The following CSMD1 variants were observed in gnomAD, a reference collection of about 807,000 sequenced individuals.
The protein encoded by CSMD1 is CUB and Sushi multiple domains 1.
In CSMD1, 213 loss-of-function variants were observed where a neutral mutation model predicts 417.5. The ratio of observed to expected loss-of-function variants is 0.51; its 90% CI spans 0.46 to 0.57. The LOEUF (loss-of-function observed/expected upper bound fraction) is 0.57, where lower values mean the gene tolerates loss of function less well. Among genes scored for constraint, CSMD1 ranks in the 20% least tolerant of loss-of-function variants. The pLI is 0.00. For missense variants in CSMD1, 6,923 were observed against 4,529.7 expected, an observed-to-expected ratio of 1.53 and a Z score of -15.17; for synonymous variants, 2,862 against 1,736.8, an observed-to-expected ratio of 1.65 and a Z score of -16.11.
chr8:3,977,315 C>A (rs1287727269), intron 5 of CSMD1, among the ~76,000 whole-genome samples: 3 of 152,126 alleles, frequency 2.0e-5, no homozygotes, highest in Non-Finnish European at 2.9e-5. Context: ...CATTTCATTC[C>A]TTTCCCAATG....
intron 65 of CSMD1, among the ~76,000 whole-genome samples, chr8:2,952,550 A>C (rs920920716): frequency 6.6e-6 from 1 of 152,184 alleles, no homozygotes; most frequent in African/African-American, 2.4e-5. Context: ...TATCTAACAC[A>C]TTTGCTTATA....
At chr8:4,693,976 C>G (rs1472900197) in intron 1 of CSMD1, among the ~76,000 whole-genome samples, 1 of 152,148 alleles carries the variant, frequency 6.6e-6, no homozygotes, top group Non-Finnish European at 1.5e-5. Context: ...TTCAGGGAGA[C>G]TCTGTGAAGG....
intron 26 of CSMD1, among the ~76,000 whole-genome samples, chr8:3,263,859 G>A (rs1462543926): frequency 6.6e-6 from 1 of 152,156 alleles, no homozygotes; most frequent in Admixed American, 6.5e-5. Context: ...AACCAAGTAT[G>A]TCTCTTCTTT....
chr8:3,084,997 G>C (rs1002874894), intron 49 of CSMD1, among the ~76,000 whole-genome samples: 5 of 151,848 alleles, frequency 3.3e-5, no homozygotes, highest in Admixed American at 3.3e-4. Flanking sequence ...TCTAAAAGGT[G>C]ACTAAAAGAA....
At chr8:4,842,023 TC>T (rs1800873792) in intron 1 of CSMD1, among the ~76,000 whole-genome samples, 1 of 152,006 alleles carries the variant, frequency 6.6e-6, no homozygotes, top group Admixed American at 6.6e-5. Flanking sequence ...AAGCAATTTT[TC>T]AAGGGAGCTG....
At chr8:4,775,498 C>G (rs1796808225) in intron 1 of CSMD1, among the ~76,000 whole-genome samples, 1 of 152,126 alleles carries the variant, frequency 6.6e-6, no homozygotes, top group African/African-American at 2.4e-5. Context: ...AATAAGCAAT[C>G]ATTTTCCTTG....
At chr8:3,613,634 A>T (rs1177342641) in intron 8 of CSMD1, among the ~76,000 whole-genome samples, 2 of 151,718 alleles carry the variant, frequency 1.3e-5, no homozygotes, top group Admixed American at 1.3e-4. Context: ...CAAAATATAC[A>T]AACAAAAAAT....
intron 1 of CSMD1, among the ~76,000 whole-genome samples, chr8:4,950,273 T>C (rs1808652549): frequency 6.6e-6 from 1 of 152,200 alleles, no homozygotes; most frequent in African/African-American, 2.4e-5. Flanking sequence ...ATATTTTCAT[T>C]ACTTTATGGT....
intron 7 of CSMD1, among the ~76,000 whole-genome samples, chr8:3,641,567 C>A (rs895050085): frequency 5.9e-5 from 9 of 152,264 alleles, no homozygotes; most frequent in African/African-American, 2.2e-4. Context: ...TCAGAACATC[C>A]TTTCAGAAAT....
At chr8:4,871,582 G>A (rs1425302272) in intron 1 of CSMD1, among the ~76,000 whole-genome samples, 2 of 152,040 alleles carry the variant, frequency 1.3e-5, no homozygotes, top group East Asian at 3.8e-4. Context: ...TTTTGATAAG[G>A]CAAAGATCAA....
At chr8:3,172,814 T>C (rs934603970) in intron 37 of CSMD1, among the ~76,000 whole-genome samples, 2 of 152,202 alleles carry the variant, frequency 1.3e-5, no homozygotes, top group Non-Finnish European at 2.9e-5. Context: ...CAGTTTCCAT[T>C]GAAACCCTTT....
At chr8:4,639,885 A>G (rs931709156) in intron 1 of CSMD1, among the ~76,000 whole-genome samples, 1 of 152,206 alleles carries the variant, frequency 6.6e-6, no homozygotes, top group Non-Finnish European at 1.5e-5. Context: ...ATTTTCCACT[A>G]AATTTAAGTC....
At chr8:3,486,752 C>G (rs1818057892) in intron 11 of CSMD1, among the ~76,000 whole-genome samples, 1 of 152,200 alleles carries the variant, frequency 6.6e-6, no homozygotes, top group South Asian at 2.1e-4. Flanking sequence ...TCCAATGGGT[C>G]CCCAAGGTCC....
chr8:3,717,268 T>G (rs2623565), intron 6 of CSMD1, among the ~76,000 whole-genome samples: 54,490 of 152,144 alleles, frequency 0.36, 10,467 homozygotes, highest in East Asian at 0.51. Context: ...AGATTTTGAT[T>G]AATCAACTCT....
rs548002951 is a variant in CSMD1, at chr8:2,951,371, C to T, written c.10040-96G>A. 1.6e-5 allele frequency: 20 copies of T among 1,273,382 alleles called. No individual in the cohort carries two copies. The South Asian group carries it at 1.9e-4, about 12-fold the overall frequency. 78.9% of individuals were successfully genotyped at this position (1,273,382 alleles called of 1,614,324 possible). On this transcript the variant is annotated intron_variant, in intron 65 of 69. Coordinates refer to ENST00000635120, the MANE Select transcript of CSMD1 (RefSeq NM_033225.6). ...AGAAGGCATCATACTGCTTAGCGAG[C>T]GATCACAGATGAGGGCAGTGATGAA...
Position 3,659,910 on chromosome 8 carries a change from G to A in CSMD1, c.1010-43113C>T, listed in dbSNP as rs115347056. 3.1e-3 allele frequency among the ~76,000 whole-genome samples: 471 copies of A among 152,224 alleles called. 3 individuals are homozygous for A. The highest frequency in any genetic ancestry group is 0.01 in the African/African-American group (433 of 41,540). On this transcript the variant is annotated intron_variant, in intron 7 of 69. Transcript: ENST00000635120. ...TAAACTATGAAGATGAAATTTCCAA[G>A]AAAGAGCATATCTTCATTGTGTAAT...
At chr8:3,960,201 A>G (rs73178029) in intron 5 of CSMD1, among the ~76,000 whole-genome samples, 11,948 of 152,234 alleles carry the variant, frequency 0.078, 635 homozygotes, top group Middle Eastern at 0.15. Flanking sequence ...TTTTCTTTCA[A>G]TCATGGAATC....
chr8:3,662,068 T>C (rs542771088), intron 7 of CSMD1, among the ~76,000 whole-genome samples: 7 of 152,250 alleles, frequency 4.6e-5, no homozygotes, highest in African/African-American at 1.7e-4. Context: ...TGCTCAGTAG[T>C]TGTGTAGAAA....
chr8:4,143,855 C>T (rs781668719), intron 3 of CSMD1, among the ~76,000 whole-genome samples: 1 of 151,008 alleles, frequency 6.6e-6, no homozygotes, highest in Non-Finnish European at 1.5e-5. Flanking sequence ...TTTTGAGGTC[C>T]CTCTCAGTTA....
Sources: gnomAD v4.1 joint callset for allele counts (sites outside exome capture counted in the v4.1 genomes callset) on GRCh38, gnomAD v4.1.1 for gene constraint, MANE v1.5 for transcripts, NCBI Gene and HGNC (gene_info 2026-07-23, HGNC 2026-07-21) for gene names.